EGFR: variants seen among roughly 807,000 people sequenced by gnomAD.
EGFR encodes the protein epidermal growth factor receptor.
EGFR carries 58 observed loss-of-function variants against 143.0 expected under a neutral mutation model. The observed-to-expected ratio is 0.41, with a 90% CI of 0.33 to 0.50. The LOEUF is 0.50. EGFR is among the 20% of genes least tolerant of loss of function. The probability of loss-of-function intolerance (pLI) is 0.39; values close to 1 mark genes in which losing one functional copy is unlikely to be tolerated. For synonymous variants in EGFR, 613 were observed against 594.4 expected (o/e 1.03, Z -0.45); for missense variants, 1,307 against 1,579.0 (o/e 0.83, Z 2.92).
intron 7 of EGFR, 116 bp downstream of exon 7, chr7:55,154,268 G>A (rs2128935450): frequency 2.6e-6 from 4 of 1,518,400 alleles, no homozygotes; most frequent in Non-Finnish European, 3.6e-6. Flanking sequence ...TGTTTGCCTT[G>A]CTTGGAGGAG....
chr7:55,091,259 G>A (rs958979706), intron 1 of EGFR, among the ~76,000 whole-genome samples: 18 of 152,318 alleles, frequency 1.2e-4, no homozygotes, highest in Admixed American at 4.6e-4. Context: ...CAGGAAAAGC[G>A]CTACAATGAT....
intron 15 of EGFR, among the ~76,000 whole-genome samples, chr7:55,167,599 T>C (rs369438840): frequency 2.0e-3 from 301 of 148,478 alleles, no homozygotes; most frequent in African/African-American, 7.5e-3. Flanking sequence ...ACAGTGGTGG[T>C]GGTGTTGATG....
intron 1 of EGFR, among the ~76,000 whole-genome samples, chr7:55,031,681 G>T (rs1422208882): frequency 6.6e-6 from 1 of 152,216 alleles, no homozygotes; most frequent in South Asian, 2.1e-4. Flanking sequence ...ATGTTGCTCA[G>T]TTGCAAAAAC....
intron 20 of EGFR, among the ~76,000 whole-genome samples, chr7:55,182,801 G>T (rs1426803821): frequency 6.6e-6 from 1 of 152,172 alleles, no homozygotes; most frequent in East Asian, 1.9e-4. Flanking sequence ...CATTCTCATG[G>T]TCATAACCCG....
At chr7:55,032,023 A>G (rs549646661) in intron 1 of EGFR, among the ~76,000 whole-genome samples, 5 of 152,120 alleles carry the variant, frequency 3.3e-5, no homozygotes, top group Non-Finnish European at 7.3e-5. Context: ...ACCTAGTAGA[A>G]GTTTTGCAGG....
At chr7:55,090,149 A>C (rs1232120746) in intron 1 of EGFR, among the ~76,000 whole-genome samples, 1 of 152,064 alleles carries the variant, frequency 6.6e-6, no homozygotes, top group African/African-American at 2.4e-5. Context: ...TTATAGTTTT[A>C]GTAGAGACAG....
At chr7:55,059,403 C>T (rs1263666114) in intron 1 of EGFR, among the ~76,000 whole-genome samples, 3 of 152,150 alleles carry the variant, frequency 2.0e-5, no homozygotes, top group Admixed American at 6.5e-5. Flanking sequence ...CTGCAGGTTT[C>T]CCCTATTATT....
At chr7:55,116,846 C>T (rs984033888) in intron 1 of EGFR, among the ~76,000 whole-genome samples, 7 of 152,224 alleles carry the variant, frequency 4.6e-5, no homozygotes, top group Admixed American at 3.3e-4. Flanking sequence ...TCTTGCATTC[C>T]ATAACTGGGC....
chr7:55,113,513 A>G (rs1236654676), intron 1 of EGFR, among the ~76,000 whole-genome samples: 2 of 152,118 alleles, frequency 1.3e-5, no homozygotes, highest in African/African-American at 4.8e-5. Context: ...TACAAGTGTG[A>G]TGTTTTCCCC....
At chr7:55,141,666 C>G (rs947908975) in intron 1 of EGFR, among the ~76,000 whole-genome samples, 3 of 152,142 alleles carry the variant, frequency 2.0e-5, no homozygotes, top group Non-Finnish European at 4.4e-5. Context: ...TAATCTCCAG[C>G]CAGTTAGGTT....
At chr7:55,025,779 C>A (rs1023392408) in intron 1 of EGFR, among the ~76,000 whole-genome samples, 1 of 152,208 alleles carries the variant, frequency 6.6e-6, no homozygotes, top group Non-Finnish European at 1.5e-5. Flanking sequence ...CAGCTTCTCT[C>A]TAGGTGAGGC....
intron 27 of EGFR, among the ~76,000 whole-genome samples, chr7:55,204,500 CA>C (rs765173304): frequency 0.034 from 3,528 of 102,606 alleles, 62 homozygotes; most frequent in African/African-American, 0.038. Context: ...ACAAAAACCC[CA>C]CACACACACA....
At chr7:55,113,689 C>T (rs1289674820) in intron 1 of EGFR, among the ~76,000 whole-genome samples, 1 of 152,184 alleles carries the variant, frequency 6.6e-6, no homozygotes, top group African/African-American at 2.4e-5. Context: ...ACACTCTTGC[C>T]CTATGAGTGC....
intron 25 of EGFR, 103 bp downstream of exon 25, chr7:55,201,458 G>A (rs1198429262): frequency 6.6e-7 from 1 of 1,521,848 alleles, no homozygotes; most frequent in Admixed American, 1.8e-5. Flanking sequence ...ACATGGATAT[G>A]AAGTCAATTT....
rs6979667 is a variant in EGFR, at chr7:55,025,729, G to A, written c.88+6364G>A. Reference sequence around the variant, plus strand: ...TGGCTCCACCTGTCTCATGCTCACCGTCAGCATCGAAATTGAGCCACACCA... The same window carrying A: ...TGGCTCCACCTGTCTCATGCTCACCATCAGCATCGAAATTGAGCCACACCA... On this transcript the variant is annotated intron_variant, in intron 1 of 27. Transcript: ENST00000275493. 9.3e-4 allele frequency among the ~76,000 whole-genome samples: 141 copies of A among 152,296 alleles called. 1 individual carries two copies. Among genetic ancestry groups the A allele is most frequent in the African/African-American group, 2.7e-3 (113 of 41,560 alleles).
intron 1 of EGFR, among the ~76,000 whole-genome samples, chr7:55,066,025 GT>G (rs1789478101): frequency 6.6e-6 from 1 of 152,140 alleles, no homozygotes; most frequent in Non-Finnish European, 1.5e-5. Flanking sequence ...TTCTAGCACA[GT>G]TTTTCCTCGC....
intron 1 of EGFR, among the ~76,000 whole-genome samples, chr7:55,107,475 C>A (rs549083259): frequency 6.6e-6 from 1 of 152,162 alleles, no homozygotes; most frequent in African/African-American, 2.4e-5. Flanking sequence ...CAGATGTTCA[C>A]GTCTAATGAA....
At position 55,155,838 on chromosome 7, in the gene EGFR, G is replaced by C. The variant is rs2128937344; in HGVS notation, c.898G>C (p.Val300Leu). 1 of 1,613,982 alleles carries C rather than the reference G, an allele frequency of 6.2e-7. No homozygotes were observed. Among genetic ancestry groups the C allele is most frequent in the Non-Finnish European group, 8.5e-7 (1 of 1,179,882 alleles). ...CATGCTCTCTTCCCCAGGTAATTATGTGGTGACAGATCACGGCTCGTGCGT... is the reference window on the plus strand; with the variant it reads ...CATGCTCTCTTCCCCAGGTAATTATCTGGTGACAGATCACGGCTCGTGCGT... ...TCVKKCPRNY[V>L]VTDHGSCVRA... is the part of the protein sequence containing the mutation. The change falls in exon 8 of 28, where the codon GTG becomes CTG. Residue 300 changes from valine to leucine, a missense_variant. Transcript: ENST00000275493.
Position 55,177,935 on chromosome 7 carries a change from G to C in EGFR, c.2283+3115G>C, listed in dbSNP as rs543209976. Among the ~76,000 whole-genome samples, 4 of 152,358 alleles carry C rather than the reference G, an allele frequency of 2.6e-5. No homozygotes were observed. The East Asian group carries it at 5.8e-4, about 22-fold the overall frequency. The stretch of plus-strand genomic sequence containing the variant: ...TCTGCGTACACCGAACGGGACACAC[G>C]ACTGAACAGCGTTCCCATTGTGCCT... On this transcript the variant is annotated intron_variant, in intron 19 of 27. Coordinates refer to ENST00000275493, the MANE Select transcript of EGFR (RefSeq NM_005228.5).
Sources: gnomAD v4.1 joint callset for allele counts (sites outside exome capture counted in the v4.1 genomes callset) on GRCh38, gnomAD v4.1.1 for gene constraint, MANE v1.5 for transcripts, NCBI Gene and HGNC (gene_info 2026-07-23, HGNC 2026-07-21) for gene names.